AP4M1: variants seen among roughly 807,000 people sequenced by gnomAD.
AP4M1 encodes the protein AP-4 complex subunit mu-1.
A neutral mutation model predicts 62.4 loss-of-function variants in AP4M1; 58 were observed. That is an observed-to-expected ratio of 0.93 (90% CI 0.75 to 1.16). The LOEUF (loss-of-function observed/expected upper bound fraction) is 1.16. Among genes scored for constraint, AP4M1 ranks in the 50% most tolerant of loss-of-function variants. The pLI, the probability that AP4M1 is intolerant of heterozygous loss-of-function variation, is 0.00. For missense variants in AP4M1, 626 were observed against 585.4 expected (o/e 1.07, Z -0.72); for synonymous variants, 290 against 239.7 (o/e 1.21, Z -1.94).
At chr7:100,102,218 T>G in intron 2 of AP4M1, 1 of 580,102 alleles carries the variant, frequency 1.7e-6, no homozygotes, top group East Asian at 3.2e-5. Context: ...CCGCCTCTAC[T>G]AAAAATACAA....
chr7:100,105,601 C>G, intron 11 of AP4M1, 62 bp downstream of exon 11: 2 of 1,487,564 alleles, frequency 1.3e-6, no homozygotes. Flanking sequence ...TGTATGTTCC[C>G]AAGACTCACT....
chr7:100,103,063 T>A, intron 4 of AP4M1, 103 bp downstream of exon 4: 2 of 138,754 alleles, frequency 1.4e-5, no homozygotes, highest in Non-Finnish European at 2.6e-5. Context: ...AAGTCTACCT[T>A]TTTTTTTTTT....
Position 100,105,518 on chromosome 7 carries a change from A to G in AP4M1, c.908A>G (p.Gln303Arg), listed in dbSNP as rs1461776667. 35 of 1,613,482 alleles carry G rather than the reference A, an allele frequency of 2.2e-5. No homozygotes were observed. The highest frequency in any genetic ancestry group is 2.9e-5 in the Non-Finnish European group (34 of 1,179,960). ...CCCTTCCGGCTCTTCCCCTCTGTGC[A>G]GTGGGACCGAGGCTCAGGCCGGTGA... ...PLPFRLFPSV[Q>R]WDRGSGRLQV... Residue 303 changes from glutamine to arginine, a missense_variant, in exon 11 of 15, where the codon CAG becomes CGG. By Grantham distance (43) the Gln-to-Arg change is conservative. Transcript: ENST00000359593.
rs769281351 is a variant in AP4M1 at position 100,101,722 on chromosome 7, C to T, written c.8C>T (p.Ser3Phe). Reference protein sequence around the residue: MISQFFILSSKGD... With the variant: MIFQFFILSSKGD... ...CTACTCTCCAGAACGGCCATGATTTCCCAATTCTTCATTCTGTCCTCCAAG... is the reference window on the plus strand; with the variant it reads ...CTACTCTCCAGAACGGCCATGATTTTCCAATTCTTCATTCTGTCCTCCAAG... The change falls in exon 1 of 15, where the codon TCC becomes TTC. Residue 3 changes from serine to phenylalanine, a missense_variant. Coordinates refer to ENST00000359593, the MANE Select transcript of AP4M1 (RefSeq NM_004722.4). 3 of 1,613,788 alleles carry T rather than the reference C, an allele frequency of 1.9e-6. No homozygotes were observed. In the South Asian group the frequency reaches 3.3e-5, roughly 18 times the overall value.
At chr7:100,100,955 C>T, upstream of AP4M1, 4 of 1,049,494 alleles carry the variant, frequency 3.8e-6, no homozygotes, top group Non-Finnish European at 5.1e-6. Context: ...CCTTAAGACT[C>T]TCCTGAGGTC....
chr7:100,106,376 C>A (rs895206522), intron 13 of AP4M1, 27 bp from the exon 14 acceptor site: 1 of 1,611,450 alleles, frequency 6.2e-7, no homozygotes, highest in Non-Finnish European at 8.5e-7. Flanking sequence ...GGTGCCAAGC[C>A]CAGCACCTTC....
In AP4M1 at chr7:100,108,590, C is replaced by T; in HGVS notation, c.*1708C>T. The T allele has an allele frequency of 1.3e-6, 2 of 1,550,260 alleles. No homozygotes were observed. Among genetic ancestry groups the T allele is most frequent in the Non-Finnish European group, 1.7e-6 (2 of 1,145,438 alleles). On this transcript the variant is annotated 3_prime_UTR_variant, in exon 15 of 15. Transcript: ENST00000359593. The stretch of plus-strand genomic sequence containing the variant: ...TAGAGGGAGGGCTGGGGAAAAAAGC[C>T]AGGTAGAGGGAGGGCTGGTGACACT...
At position 100,108,200 on chromosome 7, in the gene AP4M1, CCTCG is replaced by C; in HGVS notation, c.*1322_*1325del. On this transcript the variant is annotated 3_prime_UTR_variant, in exon 15 of 15. Coordinates refer to ENST00000359593, the MANE Select transcript of AP4M1 (RefSeq NM_004722.4). ...GTCTGAAGGGAGAGGCCTGGGCTCCCCTCGCTCTTCCTCAGTGGCTCTCACTAGG... is the reference window on the plus strand; with the variant it reads ...GTCTGAAGGGAGAGGCCTGGGCTCCCCTCTTCCTCAGTGGCTCTCACTAGG... 6.8e-7 allele frequency: 1 copy of C among 1,480,044 alleles called. No homozygotes were observed. Among genetic ancestry groups the C allele is most frequent in the Middle Eastern group, 2.4e-4 (1 of 4,110 alleles). The allele number at this position is 1,480,044 out of a possible 1,614,324, so 91.7% of individuals were successfully genotyped here.
At position 100,107,859 on chromosome 7, in the gene AP4M1, G is replaced by A; in HGVS notation, c.*977G>A. 2 of 1,532,912 alleles carry A rather than the reference G, an allele frequency of 1.3e-6. No homozygotes were observed. Among genetic ancestry groups the A allele is most frequent in the Non-Finnish European group, 1.8e-6 (2 of 1,135,244 alleles). The allele number at this position is 1,532,912 out of a possible 1,614,324, so 95.0% of individuals were successfully genotyped here. A position where few individuals can be genotyped will look rare whatever the true frequency, so the allele number is the denominator to read the frequency against. On this transcript the variant is annotated 3_prime_UTR_variant, in exon 15 of 15. Coordinates refer to ENST00000359593, the MANE Select transcript of AP4M1 (RefSeq NM_004722.4). ...AGAGGGGACTGTGCTCTACTCCTGG[G>A]CCTCCCCAGGGTGCTCTGAGGTAAC...
In AP4M1 at chr7:100,108,183, G is replaced by T; in HGVS notation, c.*1301G>T. 2 of 1,521,804 alleles carry T rather than the reference G, an allele frequency of 1.3e-6. No individual in the cohort carries two copies. The highest frequency in any genetic ancestry group is 4.7e-5 in the East Asian group (2 of 42,456). 94.3% of individuals were successfully genotyped at this position (1,521,804 alleles called of 1,614,324 possible). A position where few individuals can be genotyped will look rare whatever the true frequency, so the allele number is the denominator to read the frequency against. ...ATCTACTAAGAAGAGGAGTCTGAAGGGAGAGGCCTGGGCTCCCCTCGCTCT... is the reference window on the plus strand; with the variant it reads ...ATCTACTAAGAAGAGGAGTCTGAAGTGAGAGGCCTGGGCTCCCCTCGCTCT... On this transcript the variant is annotated 3_prime_UTR_variant, in exon 15 of 15. Transcript: ENST00000359593.
rs531333079 is a variant in AP4M1, at chr7:100,108,752, C to T, written c.*1870C>T. On this transcript the variant is annotated 3_prime_UTR_variant, in exon 15 of 15. Coordinates refer to ENST00000359593, the MANE Select transcript of AP4M1 (RefSeq NM_004722.4). ...GCTTTCTCATAAGAAAAGATGGGCA[C>T]GGGGCCAGGTGCAGCATCTTAGGCC... is the stretch of plus-strand genomic sequence containing the variant. 4.7e-5 allele frequency: 23 copies of T among 484,470 alleles called. 1 individual carries two copies. The Admixed American group carries it at 6.9e-4, about 14-fold the overall frequency. 30.0% of individuals were successfully genotyped at this position (484,470 alleles called of 1,614,324 possible).
At position 100,106,824 on chromosome 7, in the gene AP4M1, AC is replaced by A; in HGVS notation, c.1309del (p.His437ThrfsTer7). ...RLAFRPCGNA[N>X]PHKWVRHLSH... ...GCCTTCAGGCCATGCGGCAATGCCA[AC>A]CCCCACAAGTGGGTGCGACACCTAA... is the stretch of plus-strand genomic sequence containing the variant. On this transcript the variant is annotated frameshift_variant, in exon 15 of 15. Transcript: ENST00000359593. LOFTEE classifies it high-confidence loss of function. 1 of 1,613,868 alleles carries A rather than the reference AC, an allele frequency of 6.2e-7. No individual in the cohort carries two copies. The highest frequency in any genetic ancestry group is 1.1e-5 in the South Asian group (1 of 91,082).
Position 100,107,464 on chromosome 7 carries a change from A to ACTT in AP4M1, c.*585_*587dup, listed in dbSNP as rs761681706. ...GTTGGGGGAAGTGAGACCACGATGT[A>ACTT]CTTCTGGACACTCCCAGGACCAGAG... On this transcript the variant is annotated 3_prime_UTR_variant, in exon 15 of 15. Transcript: ENST00000359593. 3 of 1,613,146 alleles carry ACTT rather than the reference A, an allele frequency of 1.9e-6. No individual in the cohort carries two copies. The highest frequency in any genetic ancestry group is 2.5e-6 in the Non-Finnish European group (3 of 1,179,428).
rs752598529 is a variant in AP4M1 at position 100,102,939 on chromosome 7, C to T, written c.330C>T (p.Tyr110=). 11 of 1,613,924 alleles carry T rather than the reference C, an allele frequency of 6.8e-6. No homozygotes were observed. Among genetic ancestry groups the T allele is most frequent in the South Asian group, 2.2e-5 (2 of 91,082 alleles). ...TCTCCCGCAATGTGGCTCTGGTATACGAACTCCTGGATGAAGTGCTGGTGA... is the reference window on the plus strand; with the variant it reads ...TCTCCCGCAATGTGGCTCTGGTATATGAACTCCTGGATGAAGTGCTGGTGA... ...GTISRNVALV[Y]ELLDEVLDYG... The change falls in exon 4 of 15, where the codon TAC becomes TAT. Residue 110 remains tyrosine, a synonymous_variant. Coordinates refer to ENST00000359593, the MANE Select transcript of AP4M1 (RefSeq NM_004722.4).
chr7:100,101,280 G>C, upstream of AP4M1: 1 of 1,613,296 alleles, frequency 6.2e-7, no homozygotes, highest in African/African-American at 1.3e-5. Flanking sequence ...CTAGCGCGTA[G>C]TCCTTCAGTG....
chr7:100,105,946 C>T lies in AP4M1; in HGVS notation c.930-13C>T, dbSNP rs1361139619. The T allele has an allele frequency of 3.7e-6, 6 of 1,614,094 alleles. No homozygotes were observed. Among genetic ancestry groups the T allele is most frequent in the Non-Finnish European group, 5.1e-6 (6 of 1,179,980 alleles). ...AGATGGCCTGAGTCGTGGTGTTTTA[C>T]CCTCTCATCCAGGCTCCAGGTTTAT... On this transcript the variant is annotated splice_polypyrimidine_tract_variant and intron_variant, in intron 11 of 14. Coordinates refer to ENST00000359593, the MANE Select transcript of AP4M1 (RefSeq NM_004722.4).
rs1418445713 is a variant in AP4M1 at position 100,101,911 on chromosome 7, C to A, written c.90C>A (p.Ala30=). ...FRGDSGGRDV[A]ELFYRKLTGL... ...GGGACAGTGGCGGCCGGGATGTGGCCGAGCTCTTCTACCGGAAGCTGACGG... is the reference window on the plus strand; with the variant it reads ...GGGACAGTGGCGGCCGGGATGTGGCAGAGCTCTTCTACCGGAAGCTGACGG... The change falls in exon 2 of 15, where the codon GCC becomes GCA. Residue 30 remains alanine, a synonymous_variant. Coordinates refer to ENST00000359593, the MANE Select transcript of AP4M1 (RefSeq NM_004722.4). 6 of 1,613,030 alleles carry A rather than the reference C, an allele frequency of 3.7e-6. No individual in the cohort carries two copies. The South Asian group carries it at 4.4e-5, about 12-fold the overall frequency.
chr7:100,102,254 G>C (rs1796106772), intron 2 of AP4M1: 2 of 577,138 alleles, frequency 3.5e-6, no homozygotes, highest in Non-Finnish European at 6.2e-6. Flanking sequence ...AGCTGGGCGT[G>C]GTGGCGGGCG....
Position 100,107,205 on chromosome 7 carries a change from T to C in AP4M1, c.*323T>C, listed in dbSNP as rs1796600476. On this transcript the variant is annotated 3_prime_UTR_variant, in exon 15 of 15. Coordinates refer to ENST00000359593, the MANE Select transcript of AP4M1 (RefSeq NM_004722.4). Reference sequence around the variant, plus strand: ...ATGTGTGTACGTGCACGTGTGTACATGTCTGCATGTGTGGGAATCCGGGGG... The same window carrying C: ...ATGTGTGTACGTGCACGTGTGTACACGTCTGCATGTGTGGGAATCCGGGGG... 4.0e-6 allele frequency: 6 copies of C among 1,518,456 alleles called. No homozygotes were observed. The highest frequency in any genetic ancestry group is 5.3e-6 in the Non-Finnish European group (6 of 1,136,108). 94.1% of individuals were successfully genotyped at this position (1,518,456 alleles called of 1,614,324 possible).
Sources: allele counts gnomAD v4.1 joint callset, GRCh38; gene constraint gnomAD v4.1.1; transcripts MANE v1.5; gene names NCBI Gene and HGNC (gene_info 2026-07-23, HGNC 2026-07-21).